RAB3GAP1: variants seen among roughly 807,000 people sequenced by gnomAD.
RAB3GAP1 encodes the protein rab3 GTPase-activating protein catalytic subunit.
Under a neutral mutation model 130.7 loss-of-function variants are expected in RAB3GAP1, and 86 were observed. That is an observed-to-expected ratio of 0.66 (90% CI 0.55 to 0.79). The LOEUF is 0.79. Ranked by LOEUF, RAB3GAP1 falls within the 30% of genes least tolerant of loss-of-function variation. The probability of loss-of-function intolerance (pLI) is 0.00; values close to 1 mark genes in which losing one functional copy is unlikely to be tolerated. For missense variants in RAB3GAP1, 1,029 were observed against 1,169.4 expected (o/e 0.88, Z 1.75); for synonymous variants, 367 against 401.7 (o/e 0.91, Z 1.03).
chr2:135,082,075 G>C (rs980635721), intron 3 of RAB3GAP1, among the ~76,000 whole-genome samples: 1 of 151,960 alleles, frequency 6.6e-6, no homozygotes, highest in African/African-American at 2.4e-5. Flanking sequence ...CCAGGAGGCG[G>C]AGGTTGCAGT....
chr2:135,121,001 G>C lies in RAB3GAP1; in HGVS notation c.748+83G>C, dbSNP rs937597505. ...TTCAGAAATTAAAATTACTTAACAA[G>C]AGTTTCAAGTGTTTTACATTAGAAA... On this transcript the variant is annotated intron_variant, in intron 8 of 23. Transcript: ENST00000264158. The C allele has an allele frequency of 4.0e-6, 4 of 1,006,106 alleles. No homozygotes were observed. In the African/African-American group the frequency reaches 6.4e-5, roughly 16 times the overall value. The allele number at this position is 1,006,106 out of a possible 1,614,324, so 62.3% of individuals were successfully genotyped here.
intron 3 of RAB3GAP1, among the ~76,000 whole-genome samples, chr2:135,077,343 G>A (rs1469501904): frequency 1.3e-5 from 2 of 151,874 alleles, no homozygotes. Flanking sequence ...AGACTATTGC[G>A]AATAATGCTA....
chr2:135,115,109 T>G, intron 6 of RAB3GAP1, 107 bp from the exon 7 acceptor site: 1 of 1,076,294 alleles, frequency 9.3e-7, no homozygotes, highest in Non-Finnish European at 1.4e-6. Context: ...TGTTTCCAGT[T>G]TAGTGCTTTC....
In RAB3GAP1 at chr2:135,120,909, C is replaced by G. The variant is rs541536954; in HGVS notation, c.739C>G (p.Gln247Glu). 3 of 1,590,886 alleles carry G rather than the reference C, an allele frequency of 1.9e-6. No individual in the cohort carries two copies. In the South Asian group the frequency reaches 3.3e-5, roughly 18 times the overall value. ...TTGGCAGCAGTATTTTTGGCCTCAG[C>G]AACCTCCAGGTGAGATCATTTAGAA... ...QDWQQYFWPQ[Q>E]PPDIDALVGG... The change falls in exon 8 of 24, where the codon CAA becomes GAA. Residue 247 changes from glutamine (Q) to glutamate (E), a missense_variant. Gln to Glu is a conservative substitution (Grantham distance 29). Around this residue, in one of 3 missense-constraint regions of RAB3GAP1, gnomAD observed 510 missense variants for 532.1 expected, o/e 0.96. Transcript: ENST00000264158.
intron 23 of RAB3GAP1, among the ~76,000 whole-genome samples, chr2:135,167,175 G>T (rs1367558763): frequency 6.6e-6 from 1 of 151,920 alleles, no homozygotes; most frequent in African/African-American, 2.4e-5. Flanking sequence ...TGTTTTTATA[G>T]CTTATAGTAA....
chr2:135,163,072 A>C lies in RAB3GAP1; in HGVS notation c.2577A>C (p.Glu859Asp). The C allele has an allele frequency of 4.3e-6, 7 of 1,613,708 alleles. No individual in the cohort carries two copies. The highest frequency in any genetic ancestry group is 5.9e-6 in the Non-Finnish European group (7 of 1,179,586). Reference protein sequence around the residue: ...LKAKFGTEKCEQEEEKEDLER... With the variant: ...LKAKFGTEKCDQEEEKEDLER... ...CCAAGTTTGGAACTGAGAAATGTGA[A>C]CAGGAGGAGGAAAAGGAAGATCTTG... The change falls in exon 22 of 24, where the codon GAA becomes GAC. Residue 859 changes from glutamate (E) to aspartate (D), a missense_variant. Physicochemically the swap from Glu to Asp is conservative, Grantham distance 45. Coordinates refer to ENST00000264158, the MANE Select transcript of RAB3GAP1 (RefSeq NM_012233.3).
In RAB3GAP1 at chr2:135,153,725, T is replaced by C. The variant is rs759109888; in HGVS notation, c.2138T>C (p.Ile713Thr). The part of the protein sequence containing the change: ...SPRDYIEEEV[I>T]DEKGNVVLKG... ...CGGGATTATATTGAAGAGGAGGTGA[T>C]TGATGAAAAGGGCAATGTGGTGCTG... Residue 713 changes from isoleucine to threonine, a missense_variant, in exon 19 of 24, where the codon ATT becomes ACT. By Grantham distance (89) the Ile-to-Thr change is moderately conservative. Around this residue, in one of 3 missense-constraint regions of RAB3GAP1, gnomAD observed 373 missense variants for 493.6 expected, o/e 0.76. Coordinates refer to ENST00000264158, the MANE Select transcript of RAB3GAP1 (RefSeq NM_012233.3). 1.8e-5 allele frequency: 29 copies of C among 1,613,802 alleles called. No individual in the cohort carries two copies. In the East Asian group the frequency reaches 5.6e-4, roughly 31 times the overall value.
intron 19 of RAB3GAP1, among the ~76,000 whole-genome samples, chr2:135,162,059 TTC>T (rs1692479924): frequency 6.6e-6 from 1 of 152,176 alleles, no homozygotes; most frequent in African/African-American, 2.4e-5. Context: ...TTGTACATAC[TTC>T]TCTGTATTCT....
chr2:135,113,382 A>G (rs539463498), intron 6 of RAB3GAP1, 112 bp downstream of exon 6: 49 of 1,384,490 alleles, frequency 3.5e-5, no homozygotes, highest in Middle Eastern at 4.5e-4. Flanking sequence ...AACTTAGTGC[A>G]TATATATTGT....
chr2:135,074,467 A>G (rs1429035995), intron 3 of RAB3GAP1, among the ~76,000 whole-genome samples: 5 of 152,156 alleles, frequency 3.3e-5, no homozygotes, highest in Non-Finnish European at 5.9e-5. Flanking sequence ...CTGCCAGAAG[A>G]CTGAAAAGGA....
At chr2:135,094,611 C>G (rs186728508) in intron 5 of RAB3GAP1, among the ~76,000 whole-genome samples, 1 of 152,164 alleles carries the variant, frequency 6.6e-6, no homozygotes, top group African/African-American at 2.4e-5. Flanking sequence ...CCTCCCATAG[C>G]TAGCCTTTTT....
intron 5 of RAB3GAP1, among the ~76,000 whole-genome samples, chr2:135,112,822 TCTCTCTCTCTCTCACA>T (rs1001932835): frequency 5.1e-5 from 7 of 136,760 alleles, no homozygotes; most frequent in African/African-American, 1.3e-4. Flanking sequence ...AAAGTCTCTC[TCTCTCTCTCTCTCACA>T]CACACACACA....
Position 135,052,418 on chromosome 2 carries a change from C to T in RAB3GAP1, c.19-12C>T, listed in dbSNP as rs199803386. 65 of 1,614,120 alleles carry T rather than the reference C, an allele frequency of 4.0e-5. No homozygotes were observed. The East Asian group carries it at 1.3e-3, about 32-fold the overall frequency. On this transcript the variant is annotated splice_polypyrimidine_tract_variant and intron_variant, in intron 1 of 23. Coordinates refer to ENST00000264158, the MANE Select transcript of RAB3GAP1 (RefSeq NM_012233.3). ...GGCTTAATTTCTTTTTCTCTCCTTC[C>T]CCTTCCCGCAGCCCGAATCCGAGGT...
chr2:135,144,823 G>A (rs897119106), intron 17 of RAB3GAP1, among the ~76,000 whole-genome samples: 1 of 152,136 alleles, frequency 6.6e-6, no homozygotes, highest in African/African-American at 2.4e-5. Context: ...TAAAGAAAAT[G>A]GTTCTTGTGT....
chr2:135,167,710 T>G, intron 23 of RAB3GAP1: 1 of 1,491,720 alleles, frequency 6.7e-7, no homozygotes, highest in Non-Finnish European at 9.0e-7. Context: ...AATCTTCTGA[T>G]GAGGTAACAA....
At chr2:135,139,516 G>C (rs1035409961) in intron 17 of RAB3GAP1, among the ~76,000 whole-genome samples, 5 of 151,348 alleles carry the variant, frequency 3.3e-5, no homozygotes, top group African/African-American at 7.3e-5. Flanking sequence ...ACTCCAGCCT[G>C]GGCAACAGAG....
At chr2:135,107,150 A>G (rs747387817) in intron 5 of RAB3GAP1, among the ~76,000 whole-genome samples, 5 of 152,054 alleles carry the variant, frequency 3.3e-5, no homozygotes, top group Admixed American at 2.0e-4. Context: ...CAGTGAAACT[A>G]TATTTCAAAA....
intron 17 of RAB3GAP1, among the ~76,000 whole-genome samples, chr2:135,143,627 G>T (rs1172221861): frequency 6.8e-6 from 1 of 146,864 alleles, no homozygotes; most frequent in African/African-American, 2.6e-5. Context: ...GTGCGATCTC[G>T]GCTCACTGCA....
At chr2:135,073,385 T>G (rs1157429731) in intron 3 of RAB3GAP1, among the ~76,000 whole-genome samples, 1 of 152,212 alleles carries the variant, frequency 6.6e-6, no homozygotes, top group Non-Finnish European at 1.5e-5. Context: ...GTTTTGTTGA[T>G]GCCAATGTCT....
Sources: allele counts gnomAD v4.1 joint callset (sites outside exome capture counted in the v4.1 genomes callset), GRCh38; gene constraint gnomAD v4.1.1; regional missense constraint gnomAD v4.1.1; transcripts MANE v1.5; gene names NCBI Gene and HGNC (gene_info 2026-07-23, HGNC 2026-07-21).